The following EML1 variants were observed in gnomAD, a reference collection of about 807,000 sequenced individuals.
The protein encoded by EML1 is EMAP like 1.
EML1 carries 27 observed loss-of-function variants against 110.4 expected under a neutral mutation model. The observed-to-expected ratio is 0.24, with a 90% confidence interval of 0.18 to 0.34. The LOEUF is 0.34. Ranked by LOEUF, EML1 falls within the 10% of genes least tolerant of loss-of-function variation. EML1 has a pLI of 1.00. For synonymous variants in EML1, 344 were observed against 385.8 expected, an observed-to-expected ratio of 0.89 and a Z score of 1.27; for missense variants, 741 against 1,030.9, an observed-to-expected ratio of 0.72 and a Z score of 3.85.
At chr14:99,777,774 T>G (rs1358781820) in intron 1 of EML1, among the ~76,000 whole-genome samples, 1 of 152,182 alleles carries the variant, frequency 6.6e-6, no homozygotes, top group Non-Finnish European at 1.5e-5. Flanking sequence ...ACTGTCCAAG[T>G]CCAAGCATTT....
chr14:99,868,962 A>G (rs946673323), intron 3 of EML1, among the ~76,000 whole-genome samples: 1 of 152,136 alleles, frequency 6.6e-6, no homozygotes, highest in Non-Finnish European at 1.5e-5. Flanking sequence ...CCCTCTTAGT[A>G]CCCCTTTCAC....
intron 1 of EML1, among the ~76,000 whole-genome samples, chr14:99,741,118 G>A (rs2057036656): frequency 6.6e-6 from 1 of 152,198 alleles, no homozygotes; most frequent in Admixed American, 6.5e-5. Flanking sequence ...CCCTAGCTCT[G>A]TGGCCTCGGG....
intron 13 of EML1, among the ~76,000 whole-genome samples, chr14:99,912,638 C>G (rs2059964502): frequency 2.0e-5 from 3 of 152,200 alleles, no homozygotes; most frequent in Admixed American, 2.0e-4. Context: ...AAAGGAAGAT[C>G]TTCATCTGAG....
At chr14:99,794,298 G>A (rs1218845804) in intron 1 of EML1, among the ~76,000 whole-genome samples, 1 of 150,680 alleles carries the variant, frequency 6.6e-6, no homozygotes, top group Non-Finnish European at 1.5e-5. Flanking sequence ...TATTTTATCA[G>A]AACATGATGT....
chr14:99,938,522 G>A (rs922687783), intron 20 of EML1, among the ~76,000 whole-genome samples: 5 of 152,170 alleles, frequency 3.3e-5, no homozygotes, highest in African/African-American at 1.2e-4. Context: ...AGGTATTGTT[G>A]AAAGGGTTTC....
At chr14:99,792,303 G>A (rs1159391602), upstream of EML1, among the ~76,000 whole-genome samples, 1 of 152,280 alleles carries the variant, frequency 6.6e-6, no homozygotes, top group East Asian at 1.9e-4. Flanking sequence ...TTCAGATTTT[G>A]GCATGGAACT....
At chr14:99,775,438 A>G (rs1338945555) in intron 1 of EML1, among the ~76,000 whole-genome samples, 1 of 152,224 alleles carries the variant, frequency 6.6e-6, no homozygotes, top group Non-Finnish European at 1.5e-5. Flanking sequence ...AATGTGGAGC[A>G]GTGGGAAGGG....
chr14:99,927,082 G>T (rs2060248235), intron 17 of EML1, among the ~76,000 whole-genome samples: 1 of 152,206 alleles, frequency 6.6e-6, no homozygotes, highest in African/African-American at 2.4e-5. Flanking sequence ...CAGTATCGTT[G>T]TCTCCTCCCC....
chr14:99,871,298 G>A (rs1181671653), intron 3 of EML1, among the ~76,000 whole-genome samples: 1 of 152,112 alleles, frequency 6.6e-6, no homozygotes, highest in African/African-American at 2.4e-5. Context: ...TAATAGATCT[G>A]GGCAATGTCA....
At chr14:99,878,053 ATT>A (rs200010479) in intron 3 of EML1, among the ~76,000 whole-genome samples, 1 of 149,876 alleles carries the variant, frequency 6.7e-6, no homozygotes, top group Non-Finnish European at 1.5e-5. Context: ...TTTCTTTGCA[ATT>A]TTTTTTTTGT....
Position 99,936,167 on chromosome 14 carries a change from G to C in EML1, c.2007+41G>C. On this transcript the variant is annotated intron_variant, in intron 18 of 21. Transcript: ENST00000262233. This position sits in a 1 kb window ranked among gnomAD's most constrained non-coding sequence, Gnocchi z 5.5. ...GGACCTGTCGCTTCTCATGCACTGC[G>C]TATAGTTTAACTACCGTGGAACAGT... is the stretch of plus-strand genomic sequence containing the variant. 3 of 1,612,488 alleles carry C rather than the reference G, an allele frequency of 1.9e-6. No individual in the cohort carries two copies. Among genetic ancestry groups the C allele is most frequent in the Non-Finnish European group, 2.5e-6 (3 of 1,178,560 alleles).
chr14:99,739,091 T>TGTGTGTGAGA (rs112232539), intron 1 of EML1, among the ~76,000 whole-genome samples: 4 of 136,400 alleles, frequency 2.9e-5, no homozygotes, highest in Non-Finnish European at 6.3e-5. Context: ...TGTGTGTGTG[T>TGTGTGTGAGA]GAGAGAGAGA....
intron 1 of EML1, among the ~76,000 whole-genome samples, chr14:99,763,970 G>C (rs541403502): frequency 1.5e-3 from 227 of 152,312 alleles, no homozygotes; most frequent in African/African-American, 5.2e-3. Context: ...CTGGGGGTGT[G>C]TTGGGGCCGC....
chr14:99,833,401 A>G (rs1317552212), intron 1 of EML1, among the ~76,000 whole-genome samples: 1 of 152,168 alleles, frequency 6.6e-6, no homozygotes, highest in African/African-American at 2.4e-5. Context: ...GATGACTGTC[A>G]CTTAAGTTGG....
chr14:99,748,566 C>T (rs969086991), intron 1 of EML1, among the ~76,000 whole-genome samples: 2 of 152,042 alleles, frequency 1.3e-5, no homozygotes, highest in East Asian at 1.9e-4. Flanking sequence ...TCCAGGAGTT[C>T]AAGACCAGCC....
intron 1 of EML1, among the ~76,000 whole-genome samples, chr14:99,845,493 T>C (rs1389851239): frequency 2.0e-5 from 3 of 152,186 alleles, no homozygotes; most frequent in Non-Finnish European, 4.4e-5. Context: ...GGATTCTACA[T>C]TGGGAGCATA....
chr14:99,931,632 TTA>T (rs1387893314), intron 17 of EML1, among the ~76,000 whole-genome samples: 2 of 152,064 alleles, frequency 1.3e-5, no homozygotes, highest in Non-Finnish European at 1.5e-5. Flanking sequence ...GGAATGAGGC[TTA>T]GAGAGTTTTT....
chr14:99,762,623 C>A (rs954909741), intron 1 of EML1, among the ~76,000 whole-genome samples: 2 of 152,108 alleles, frequency 1.3e-5, no homozygotes, highest in Non-Finnish European at 2.9e-5. Flanking sequence ...CATGATGAGA[C>A]CCTTTCCGTA....
rs2057581962 is a variant in EML1 at position 99,784,916 on chromosome 14, T to C, written c.-27+10903T>C. 6.6e-6 allele frequency among the ~76,000 whole-genome samples: 1 copy of C among 152,158 alleles called. No individual in the cohort carries two copies. The highest frequency in any genetic ancestry group is 2.1e-4 in the South Asian group (1 of 4,822). On this transcript the variant is annotated intron_variant, in intron 1 of 22. Transcript: ENST00000327921. The surrounding 1 kb of genome is among the most constrained non-coding windows in gnomAD (Gnocchi z 4.5). ...AACCAAAGCCCCAGGGGCAGACTATTGTGGGGTGTTTGGGAAATGGAAAAG... is the reference window on the plus strand; with the variant it reads ...AACCAAAGCCCCAGGGGCAGACTATCGTGGGGTGTTTGGGAAATGGAAAAG...
Sources: allele counts gnomAD v4.1 joint callset (sites outside exome capture counted in the v4.1 genomes callset), GRCh38; gene constraint gnomAD v4.1.1; non-coding constraint Gnocchi (gnomAD v3.1); transcripts MANE v1.5; gene names NCBI Gene and HGNC (gene_info 2026-07-23, HGNC 2026-07-21).